The following MYO1H variants were observed in gnomAD, a reference collection of about 807,000 sequenced individuals.
The protein encoded by MYO1H is unconventional myosin-Ih.
Under a neutral mutation model 149.3 loss-of-function variants are expected in MYO1H, and 118 were observed. The ratio of observed to expected loss-of-function variants is 0.79; its 90% confidence interval spans 0.68 to 0.92. The LOEUF is 0.92. Among genes scored for constraint, MYO1H ranks in the 40% least tolerant of loss-of-function variants. The pLI is 0.00. For synonymous variants in MYO1H, 447 were observed against 465.2 expected (o/e 0.96, Z 0.50); for missense variants, 1,212 against 1,280.7 (o/e 0.95, Z 0.82).
At chr12:109,409,661 C>T in intron 11 of MYO1H, 37 bp downstream of exon 11, 1 of 1,523,902 alleles carries the variant, frequency 6.6e-7, no homozygotes, top group Non-Finnish European at 9.1e-7. Flanking sequence ...TGTCTTTTGC[C>T]CTTTTTTAAG....
intron 4 of MYO1H, 74 bp downstream of exon 4, chr12:109,396,656 G>A: frequency 7.2e-7 from 1 of 1,390,864 alleles, no homozygotes; most frequent in Non-Finnish European, 9.7e-7. Flanking sequence ...TGTCTGGGCA[G>A]GTCAGTCAAA....
chr12:109,393,735 T>G (rs118041839), intron 3 of MYO1H, among the ~76,000 whole-genome samples: 2 of 152,314 alleles, frequency 1.3e-5, no homozygotes, highest in Non-Finnish European at 2.9e-5. Context: ...GATGCATGTT[T>G]ATTAGGTTCT....
At chr12:109,366,906 A>G (rs1868877258) in intron 1 of MYO1H, among the ~76,000 whole-genome samples, 1 of 152,220 alleles carries the variant, frequency 6.6e-6, no homozygotes, top group African/African-American at 2.4e-5. Context: ...TGCCCACTTG[A>G]TGCTCAAAGG....
At chr12:109,395,684 C>T (rs554564856) in intron 3 of MYO1H, among the ~76,000 whole-genome samples, 1 of 151,034 alleles carries the variant, frequency 6.6e-6, no homozygotes, top group South Asian at 2.1e-4. Flanking sequence ...GCAATGAGCT[C>T]AGATCGTGCT....
chr12:109,390,133 T>C (rs1869580995), intron 2 of MYO1H, among the ~76,000 whole-genome samples: 1 of 152,196 alleles, frequency 6.6e-6, no homozygotes, highest in Non-Finnish European at 1.5e-5. Context: ...TGGGGTTTTA[T>C]TGAAACTTCT....
intron 30 of MYO1H, among the ~76,000 whole-genome samples, chr12:109,445,029 T>C (rs944068253): frequency 6.6e-6 from 1 of 152,200 alleles, no homozygotes; most frequent in Non-Finnish European, 1.5e-5. Flanking sequence ...TTTTTCCGTC[T>C]TCATCCCTGG....
At chr12:109,353,419 A>T (rs1236606280) in intron 1 of MYO1H, among the ~76,000 whole-genome samples, 2 of 144,744 alleles carry the variant, frequency 1.4e-5, no homozygotes, top group Admixed American at 1.4e-4. Context: ...AAAAAAAAAA[A>T]TTGTGGTTAT....
chr12:109,328,207 T>C, the MYO1H span, among the ~76,000 whole-genome samples: 1 of 151,192 alleles, frequency 6.6e-6, no homozygotes, highest in African/African-American at 2.4e-5. Context: ...TTTTTTTAAA[T>C]TGGGGTGAAA....
chr12:109,318,411 C>T, the MYO1H span, among the ~76,000 whole-genome samples: 9 of 152,152 alleles, frequency 5.9e-5, no homozygotes, highest in African/African-American at 1.9e-4. Flanking sequence ...GGTGATTGGC[C>T]TCCAAATAAC....
chr12:109,427,853 T>C (rs1871416550), intron 19 of MYO1H, among the ~76,000 whole-genome samples: 2 of 106,224 alleles, frequency 1.9e-5, no homozygotes, highest in Non-Finnish European at 3.6e-5. Context: ...GAGACCGTCC[T>C]GGGCAACATG....
intron 1 of MYO1H, among the ~76,000 whole-genome samples, chr12:109,381,221 C>T (rs888970321): frequency 6.6e-6 from 1 of 152,092 alleles, no homozygotes; most frequent in South Asian, 2.1e-4. Context: ...TCCTTATAAG[C>T]AAGAAAGCTC....
the MYO1H span, among the ~76,000 whole-genome samples, chr12:109,327,628 C>T: frequency 6.0e-5 from 9 of 149,638 alleles, no homozygotes; most frequent in South Asian, 4.2e-4. Flanking sequence ...TGCCTGTGAT[C>T]GCAGCTACTC....
At chr12:109,393,265 A>G in intron 2 of MYO1H, 66 bp from the exon 3 acceptor site, 2 of 941,434 alleles carry the variant, frequency 2.1e-6, no homozygotes, top group South Asian at 1.4e-5. Context: ...ACACATGGGG[A>G]TCATCATGTG....
At chr12:109,365,211 G>C (rs1868842293) in intron 1 of MYO1H, among the ~76,000 whole-genome samples, 1 of 152,184 alleles carries the variant, frequency 6.6e-6, no homozygotes. Context: ...CAGAGTTCAA[G>C]GCTGCAGTGA....
chr12:109,386,026 A>G (rs1282627197), intron 1 of MYO1H, among the ~76,000 whole-genome samples: 1 of 152,018 alleles, frequency 6.6e-6, no homozygotes, highest in Non-Finnish European at 1.5e-5. Flanking sequence ...TTGCCTGACA[A>G]CTCCTCAACT....
intron 19 of MYO1H, among the ~76,000 whole-genome samples, chr12:109,428,392 G>C (rs1452753896): frequency 6.6e-6 from 1 of 152,154 alleles, no homozygotes; most frequent in Non-Finnish European, 1.5e-5. Flanking sequence ...TTCTCTTATA[G>C]CTGTGACCTG....
At chr12:109,359,793 A>G (rs1263707032) in intron 1 of MYO1H, among the ~76,000 whole-genome samples, 1 of 152,246 alleles carries the variant, frequency 6.6e-6, no homozygotes, top group Non-Finnish European at 1.5e-5. Context: ...GATTATCTGC[A>G]AGCGTTTCCA....
intron 5 of MYO1H, among the ~76,000 whole-genome samples, chr12:109,399,042 C>T (rs537412089): frequency 3.9e-5 from 6 of 152,212 alleles, no homozygotes; most frequent in African/African-American, 1.4e-4. Context: ...GGTAAAATGA[C>T]ACATGGGGGA....
intron 19 of MYO1H, among the ~76,000 whole-genome samples, chr12:109,428,079 C>T (rs1239977208): frequency 6.8e-6 from 1 of 147,940 alleles, no homozygotes; most frequent in Non-Finnish European, 1.5e-5. Flanking sequence ...AGAATGAGAA[C>T]CATCTCAAAA....
Sources: allele counts gnomAD v4.1 joint callset (sites outside exome capture counted in the v4.1 genomes callset), GRCh38; gene constraint gnomAD v4.1.1; transcripts MANE v1.5; gene names NCBI Gene and HGNC (gene_info 2026-07-23, HGNC 2026-07-21).